The following PACS1 variants were observed in gnomAD, a reference collection of about 807,000 sequenced individuals.
The protein encoded by PACS1 is phosphofurin acidic cluster sorting protein 1.
PACS1 carries 24 observed loss-of-function variants against 115.0 expected under a neutral mutation model. The observed-to-expected ratio is 0.21, with a 90% CI of 0.15 to 0.29. The LOEUF is 0.29. PACS1 is among the 10% of genes least tolerant of loss of function. PACS1 has a pLI of 1.00. For synonymous variants in PACS1, 453 were observed against 504.5 expected, an observed-to-expected ratio of 0.90 and a Z score of 1.37; for missense variants, 838 against 1,251.2, an observed-to-expected ratio of 0.67 and a Z score of 4.98.
chr11:66,213,474 G>C (rs887412671), intron 4 of PACS1, among the ~76,000 whole-genome samples: 2 of 152,214 alleles, frequency 1.3e-5, no homozygotes, highest in South Asian at 4.1e-4. Flanking sequence ...TTTCAGTAGA[G>C]GATGGTGTTC....
At chr11:66,148,399 G>A (rs543635111) in intron 1 of PACS1, among the ~76,000 whole-genome samples, 3 of 152,078 alleles carry the variant, frequency 2.0e-5, no homozygotes, top group East Asian at 1.9e-4. Context: ...CTCTTGCCTC[G>A]GCCTCCCAGA....
At chr11:66,202,246 T>A (rs1264949733) in intron 2 of PACS1, among the ~76,000 whole-genome samples, 1 of 152,134 alleles carries the variant, frequency 6.6e-6, no homozygotes, top group Non-Finnish European at 1.5e-5. Flanking sequence ...ATTAACAAAG[T>A]CTTCCAGCAA....
At chr11:66,146,058 A>T (rs940445021) in intron 1 of PACS1, among the ~76,000 whole-genome samples, 4 of 152,158 alleles carry the variant, frequency 2.6e-5, no homozygotes, top group African/African-American at 9.7e-5. Context: ...CTAGTTTTTT[A>T]AAATTATGAT....
chr11:66,235,445 G>A lies in PACS1; in HGVS notation c.2207+42G>A. ...GGGGTTTCTTAAAAATAGGTTGGGT[G>A]GGTTAGAGGAATCTTGAGTCTTCCT... On this transcript the variant is annotated intron_variant, in intron 18 of 23. Coordinates refer to ENST00000320580, the MANE Select transcript of PACS1 (RefSeq NM_018026.4). The surrounding 1 kb of genome is among the most constrained non-coding windows in gnomAD (Gnocchi z 5.6). 3 of 1,371,500 alleles carry A rather than the reference G, an allele frequency of 2.2e-6. No homozygotes were observed. The highest frequency in any genetic ancestry group is 3.1e-6 in the Non-Finnish European group (3 of 960,846). 85.0% of individuals were successfully genotyped at this position (1,371,500 alleles called of 1,614,324 possible).
rs570471798 is a variant in PACS1 at position 66,158,332 on chromosome 11, C to T, written c.357-35154C>T. On this transcript the variant is annotated intron_variant, in intron 1 of 23. Coordinates refer to ENST00000320580, the MANE Select transcript of PACS1 (RefSeq NM_018026.4). ...ACATCAAGGAAACAAGAGCAGGATG[C>T]CATGTAAAGGAACTATTCAAGAATG... Among the ~76,000 whole-genome samples the T allele has an allele frequency of 1.2e-4, 18 of 152,266 alleles. No individual in the cohort carries two copies. The South Asian group carries it at 3.5e-3, about 30-fold the overall frequency.
At chr11:66,193,616 G>A (rs774216313) in intron 2 of PACS1, 43 bp downstream of exon 2, 1 of 1,447,738 alleles carries the variant, frequency 6.9e-7, no homozygotes, top group South Asian at 1.1e-5. Context: ...AGGGAAGCTG[G>A]ATAACCATTT....
rs994861693 is a variant in PACS1 at position 66,148,770 on chromosome 11, A to G, written c.357-44716A>G. On this transcript the variant is annotated intron_variant, in intron 1 of 23. Coordinates refer to ENST00000320580, the MANE Select transcript of PACS1 (RefSeq NM_018026.4). The stretch of plus-strand genomic sequence containing the variant: ...GTGAAACCCCTTCTCTACTAAAAAT[A>G]CAAAAATTAGCTGGGCATGTTGGCG... Among the ~76,000 whole-genome samples the G allele has an allele frequency of 5.3e-5, 8 of 152,258 alleles. No individual in the cohort carries two copies. The South Asian group carries it at 1.7e-3, about 32-fold the overall frequency.
chr11:66,095,270 G>T (rs1337342819), intron 1 of PACS1, among the ~76,000 whole-genome samples: 1 of 151,960 alleles, frequency 6.6e-6, no homozygotes, highest in Non-Finnish European at 1.5e-5. Context: ...CCTGTTTGCA[G>T]ATGACATGAT....
At chr11:66,113,837 A>G (rs536563735) in intron 1 of PACS1, among the ~76,000 whole-genome samples, 1 of 152,210 alleles carries the variant, frequency 6.6e-6, no homozygotes, top group Non-Finnish European at 1.5e-5. Context: ...TAGTTCACAG[A>G]ATCACCCAGT....
chr11:66,114,295 A>G (rs1030726699), intron 1 of PACS1, among the ~76,000 whole-genome samples: 4 of 151,974 alleles, frequency 2.6e-5, no homozygotes, highest in African/African-American at 9.7e-5. Context: ...GCGGACGCCT[A>G]TAGTCACAGC....
chr11:66,222,071 G>A (rs1433981290), intron 10 of PACS1, among the ~76,000 whole-genome samples: 2 of 152,204 alleles, frequency 1.3e-5, no homozygotes, highest in Non-Finnish European at 2.9e-5. Flanking sequence ...AGCTGTGATC[G>A]CACCACTGCT....
intron 1 of PACS1, among the ~76,000 whole-genome samples, chr11:66,192,135 T>C (rs1248010421): frequency 6.6e-6 from 1 of 152,190 alleles, no homozygotes; most frequent in Admixed American, 6.5e-5. Context: ...ATTATATTAA[T>C]TTCTTCACAT....
intron 1 of PACS1, among the ~76,000 whole-genome samples, chr11:66,096,126 GT>G (rs1261845607): frequency 6.7e-6 from 1 of 149,894 alleles, no homozygotes; most frequent in African/African-American, 2.5e-5. Flanking sequence ...TAGAGACGGG[GT>G]TTTGCCAATT....
At chr11:66,127,471 A>G (rs1185698034) in intron 1 of PACS1, among the ~76,000 whole-genome samples, 1 of 152,212 alleles carries the variant, frequency 6.6e-6, no homozygotes, top group Non-Finnish European at 1.5e-5. Context: ...CTCCTCACTC[A>G]TACGTGCTGT....
At chr11:66,206,498 G>A (rs767704390) in intron 2 of PACS1, among the ~76,000 whole-genome samples, 1 of 152,154 alleles carries the variant, frequency 6.6e-6, no homozygotes, top group Admixed American at 6.5e-5. Flanking sequence ...ACTGCACTCC[G>A]CATCCTGCTA....
intron 4 of PACS1, among the ~76,000 whole-genome samples, 169 bp from the exon 5 acceptor site, chr11:66,215,950 T>TAATAATAAA (rs1422568297): frequency 7.5e-4 from 101 of 134,452 alleles, no homozygotes; most frequent in African/African-American, 2.7e-3. Context: ...ATAATAATAA[T>TAATAATAAA]AAACAAAGTA....
chr11:66,168,474 G>A (rs1859659338), intron 1 of PACS1, among the ~76,000 whole-genome samples: 1 of 150,220 alleles, frequency 6.7e-6, no homozygotes, highest in Non-Finnish European at 1.5e-5. Flanking sequence ...CAAAGGCTTC[G>A]GAACCAGGCT....
chr11:66,127,587 C>T (rs1265734027), intron 1 of PACS1, among the ~76,000 whole-genome samples: 2 of 152,138 alleles, frequency 1.3e-5, no homozygotes, highest in Non-Finnish European at 2.9e-5. Flanking sequence ...CATCAGGGTA[C>T]GTTCAGTGTG....
At chr11:66,217,019 A>C in intron 7 of PACS1, 2 of 508,542 alleles carry the variant, frequency 3.9e-6, no homozygotes, top group East Asian at 7.5e-5. Flanking sequence ...AAGGAGGAGA[A>C]CCCTTCTTGT....
Sources: allele counts gnomAD v4.1 joint callset (sites outside exome capture counted in the v4.1 genomes callset), GRCh38; gene constraint gnomAD v4.1.1; non-coding constraint Gnocchi (gnomAD v3.1); transcripts MANE v1.5; gene names NCBI Gene and HGNC (gene_info 2026-07-23, HGNC 2026-07-21).